The following ZFAND3 variants were observed in gnomAD, a reference collection of about 807,000 sequenced individuals.
The protein encoded by ZFAND3 is AN1-type zinc finger protein 3.
Under a neutral mutation model 29.6 loss-of-function variants are expected in ZFAND3, and 10 were observed. The ratio of observed to expected loss-of-function variants is 0.34; its 90% CI spans 0.21 to 0.57. The LOEUF (loss-of-function observed/expected upper bound fraction) is 0.57, where lower values mean the gene tolerates loss of function less well. Among genes scored for constraint, ZFAND3 ranks in the 20% least tolerant of loss-of-function variants. The pLI is 0.86. For missense variants in ZFAND3, 230 were observed against 304.5 expected (o/e 0.76, Z 1.82); for synonymous variants, 128 against 112.6 (o/e 1.14, Z -0.87).
At chr6:37,820,501 A>G (rs970643169) in intron 1 of ZFAND3, among the ~76,000 whole-genome samples, 1 of 152,164 alleles carries the variant, frequency 6.6e-6, no homozygotes, top group Admixed American at 6.5e-5. Flanking sequence ...CCTAGATTAT[A>G]TCCCAGTGCC....
chr6:37,834,985 G>A (rs1273481762), intron 1 of ZFAND3, among the ~76,000 whole-genome samples: 1 of 151,818 alleles, frequency 6.6e-6, no homozygotes, highest in Non-Finnish European at 1.5e-5. Context: ...CTTTCATTTT[G>A]GTTGTATAAA....
intron 1 of ZFAND3, among the ~76,000 whole-genome samples, chr6:37,867,329 TCA>T (rs146440567): frequency 0.024 from 3,647 of 152,312 alleles, 163 homozygotes; most frequent in African/African-American, 0.082. Context: ...TTCATATGAA[TCA>T]CAGACAGAAA....
intron 1 of ZFAND3, among the ~76,000 whole-genome samples, chr6:37,870,539 C>T (rs1241806941): frequency 7.0e-6 from 1 of 142,724 alleles, no homozygotes; most frequent in East Asian, 2.0e-4. Context: ...GTGGAGGTTG[C>T]AGTGAGCCAA....
intron 1 of ZFAND3, among the ~76,000 whole-genome samples, chr6:37,912,398 G>A (rs556597804): frequency 6.6e-6 from 1 of 152,274 alleles, no homozygotes; most frequent in African/African-American, 2.4e-5. Context: ...GAAAGTTGGC[G>A]AATATACATA....
chr6:37,958,099 TA>T (rs1762132357), intron 2 of ZFAND3, among the ~76,000 whole-genome samples: 5 of 152,236 alleles, frequency 3.3e-5, no homozygotes, highest in Admixed American at 3.3e-4. Flanking sequence ...TATTTGTCTT[TA>T]TTCTTTAGTG....
intron 2 of ZFAND3, among the ~76,000 whole-genome samples, chr6:38,059,511 A>G (rs1054918776): frequency 6.6e-6 from 1 of 152,068 alleles, no homozygotes; most frequent in Non-Finnish European, 1.5e-5. Context: ...TGTGCCTCTC[A>G]CCATCATACC....
At chr6:37,985,118 A>G (rs1442396052) in intron 2 of ZFAND3, among the ~76,000 whole-genome samples, 1 of 152,184 alleles carries the variant, frequency 6.6e-6, no homozygotes, top group Non-Finnish European at 1.5e-5. Context: ...AGCATCAGGT[A>G]TGTAAGGCAC....
At chr6:37,847,202 T>C (rs1221390293) in intron 1 of ZFAND3, among the ~76,000 whole-genome samples, 3 of 152,254 alleles carry the variant, frequency 2.0e-5, no homozygotes, top group Admixed American at 6.5e-5. Flanking sequence ...TTACTTTTTA[T>C]GTTTTTTATA....
chr6:37,939,967 G>GAGGT (rs1429451535), intron 2 of ZFAND3, among the ~76,000 whole-genome samples: 1 of 152,150 alleles, frequency 6.6e-6, no homozygotes, highest in Non-Finnish European at 1.5e-5. Context: ...TTAAACCTGT[G>GAGGT]AGGTGGAGGT....
intron 2 of ZFAND3, among the ~76,000 whole-genome samples, chr6:37,991,533 A>G (rs1414338661): frequency 6.6e-6 from 1 of 151,918 alleles, no homozygotes; most frequent in Non-Finnish European, 1.5e-5. Flanking sequence ...TTGTATTTTT[A>G]GTAGAAATGG....
At chr6:38,114,166 C>T (rs1288405071) in intron 4 of ZFAND3, among the ~76,000 whole-genome samples, 4 of 152,090 alleles carry the variant, frequency 2.6e-5, no homozygotes, top group Non-Finnish European at 4.4e-5. Flanking sequence ...CAGAAAAAAA[C>T]ATTTTTTGTT....
chr6:37,983,448 C>T (rs1253798996), intron 2 of ZFAND3, among the ~76,000 whole-genome samples: 1 of 146,892 alleles, frequency 6.8e-6, no homozygotes, highest in Admixed American at 7.0e-5. Flanking sequence ...CCACTGCCTC[C>T]CGGGTTCAAG....
At chr6:38,108,267 C>T (rs148308542) in intron 4 of ZFAND3, among the ~76,000 whole-genome samples, 9 of 151,814 alleles carry the variant, frequency 5.9e-5, no homozygotes, top group South Asian at 4.2e-4. Context: ...TATGGAGGGG[C>T]GAGTGTATTA....
At position 38,153,800 on chromosome 6, in the gene ZFAND3, G is replaced by A; in HGVS notation, c.*1411G>A. On this transcript the variant is annotated 3_prime_UTR_variant, in exon 6 of 6. Coordinates refer to ENST00000287218, the MANE Select transcript of ZFAND3 (RefSeq NM_021943.3). ...AGGGTGAGCAGTCCCAGTGGTCCTA[G>A]TGCCGCATCAGATCCAGGTGGGTGA... is the stretch of plus-strand genomic sequence containing the variant. 1 of 985,576 alleles carries A rather than the reference G, an allele frequency of 1.0e-6. No homozygotes were observed. The highest frequency in any genetic ancestry group is 1.2e-6 in the Non-Finnish European group (1 of 830,020). 61.1% of individuals were successfully genotyped at this position (985,576 alleles called of 1,614,324 possible).
At chr6:38,126,965 C>A (rs1765647223) in intron 5 of ZFAND3, among the ~76,000 whole-genome samples, 1 of 150,592 alleles carries the variant, frequency 6.6e-6, no homozygotes, top group African/African-American at 2.4e-5. Flanking sequence ...CATTTTATAT[C>A]ACTTTTTGAA....
chr6:37,949,408 A>G (rs1761958258), intron 2 of ZFAND3, among the ~76,000 whole-genome samples: 1 of 149,832 alleles, frequency 6.7e-6, no homozygotes. Context: ...TCCTGTGACC[A>G]AATGTGTGTG....
chr6:38,033,466 G>T (rs1438486139), intron 2 of ZFAND3, among the ~76,000 whole-genome samples: 2 of 151,960 alleles, frequency 1.3e-5, no homozygotes, highest in Non-Finnish European at 2.9e-5. Flanking sequence ...CCTTCCCCTC[G>T]TCACCTCATT....
intron 2 of ZFAND3, among the ~76,000 whole-genome samples, chr6:38,014,103 G>A (rs184313143): frequency 7.2e-5 from 11 of 152,228 alleles, no homozygotes; most frequent in Admixed American, 6.5e-4. Flanking sequence ...GAGAGAGAGA[G>A]AATGAGAATG....
At chr6:38,144,761 C>T (rs1307068406) in intron 5 of ZFAND3, among the ~76,000 whole-genome samples, 1 of 152,242 alleles carries the variant, frequency 6.6e-6, no homozygotes, top group African/African-American at 2.4e-5. Context: ...TTTAATAAAA[C>T]AGCCACTTGA....
Sources: allele counts gnomAD v4.1 joint callset (sites outside exome capture counted in the v4.1 genomes callset), GRCh38; gene constraint gnomAD v4.1.1; transcripts MANE v1.5; gene names NCBI Gene and HGNC (gene_info 2026-07-23, HGNC 2026-07-21).